The following FRMD3 variants were observed in gnomAD, a reference collection of about 807,000 sequenced individuals.
FRMD3 encodes FERM domain-containing protein 3.
Under a neutral mutation model 70.2 loss-of-function variants are expected in FRMD3, and 33 were observed. The observed-to-expected ratio is 0.47, with a 90% CI of 0.36 to 0.63. The LOEUF is 0.63. FRMD3 is among the 20% of genes least tolerant of loss of function. The pLI, the probability that FRMD3 is intolerant of heterozygous loss-of-function variation, is 0.00. For synonymous variants in FRMD3, 279 were observed against 255.9 expected, an observed-to-expected ratio of 1.09 and a Z score of -0.86; for missense variants, 632 against 711.4, an observed-to-expected ratio of 0.89 and a Z score of 1.27.
chr9:83,252,025 C>T (rs539957663), intron 13 of FRMD3, among the ~76,000 whole-genome samples: 5 of 152,068 alleles, frequency 3.3e-5, no homozygotes, highest in African/African-American at 1.2e-4. Context: ...ATGCAGAGAA[C>T]CCCAGTACAT....
At chr9:83,285,100 G>C (rs1234526068) in intron 13 of FRMD3, among the ~76,000 whole-genome samples, 1 of 152,178 alleles carries the variant, frequency 6.6e-6, no homozygotes, top group Non-Finnish European at 1.5e-5. Flanking sequence ...AGACTTTCTA[G>C]AATTTCAGTG....
intron 1 of FRMD3, among the ~76,000 whole-genome samples, chr9:83,522,176 G>A (rs1587517294): frequency 6.6e-6 from 1 of 152,244 alleles, no homozygotes; most frequent in Non-Finnish European, 1.5e-5. Flanking sequence ...CACTTGAAAT[G>A]TGAGTGACAA....
At chr9:83,470,598 T>G (rs1352858642) in intron 1 of FRMD3, among the ~76,000 whole-genome samples, 3 of 152,190 alleles carry the variant, frequency 2.0e-5, no homozygotes, top group African/African-American at 7.2e-5. Flanking sequence ...TTGTGATAGC[T>G]CTCCAATCCT....
At chr9:83,502,500 G>C (rs1829093218) in intron 1 of FRMD3, among the ~76,000 whole-genome samples, 1 of 152,194 alleles carries the variant, frequency 6.6e-6, no homozygotes, top group South Asian at 2.1e-4. Context: ...CTGTGCGAAA[G>C]TCAGAAGGAA....
intron 3 of FRMD3, among the ~76,000 whole-genome samples, chr9:83,365,331 A>G (rs1824752608): frequency 6.6e-6 from 1 of 152,214 alleles, no homozygotes; most frequent in South Asian, 2.1e-4. Context: ...ACAATGCTAC[A>G]GTAGGATTTC....
chr9:83,305,913 T>C (rs1163490165), intron 10 of FRMD3, among the ~76,000 whole-genome samples: 3 of 152,156 alleles, frequency 2.0e-5, no homozygotes, highest in Non-Finnish European at 2.9e-5. Context: ...GGAAGGGACT[T>C]CTCTGACATG....
chr9:83,357,242 C>CATATATAT (rs1824400264), intron 3 of FRMD3, among the ~76,000 whole-genome samples: 1 of 13,258 alleles, frequency 7.5e-5, no homozygotes, highest in Non-Finnish European at 1.1e-4. Flanking sequence ...ATATATAATA[C>CATATATAT]ATACATATAT....
chr9:83,572,607 A>G, the FRMD3 span, among the ~76,000 whole-genome samples: 2 of 152,242 alleles, frequency 1.3e-5, no homozygotes, highest in African/African-American at 4.8e-5. Flanking sequence ...TTAGAGAAAT[A>G]TAGAATGATT....
chr9:83,297,825 G>T (rs975079525), intron 12 of FRMD3: 1 of 471,734 alleles, frequency 2.1e-6, no homozygotes, highest in African/African-American at 2.0e-5. Flanking sequence ...ATCTACATGG[G>T]ATATCATGCC....
the FRMD3 span, among the ~76,000 whole-genome samples, chr9:83,549,236 A>G: frequency 6.6e-6 from 1 of 152,202 alleles, no homozygotes; most frequent in Non-Finnish European, 1.5e-5. Context: ...TAGTTTGCAA[A>G]GGATGATAGC....
intron 2 of FRMD3, among the ~76,000 whole-genome samples, chr9:83,375,896 A>C (rs1825128033): frequency 6.6e-6 from 1 of 152,214 alleles, no homozygotes; most frequent in Admixed American, 6.5e-5. Context: ...GCAGTGGCTC[A>C]CACCTGTAAT....
chr9:83,523,510 C>T (rs1321869048), intron 1 of FRMD3, among the ~76,000 whole-genome samples: 1 of 152,086 alleles, frequency 6.6e-6, no homozygotes, highest in Non-Finnish European at 1.5e-5. Context: ...CCATTTCTAA[C>T]CCAGTAAACA....
the FRMD3 span, among the ~76,000 whole-genome samples, chr9:83,549,917 ATAGT>A: frequency 6.6e-6 from 1 of 151,992 alleles, no homozygotes; most frequent in East Asian, 1.9e-4. Context: ...TATTCTGTTG[ATAGT>A]TTGTTTTGCT....
At chr9:83,479,785 G>GGGAA (rs1242768755) in intron 1 of FRMD3, among the ~76,000 whole-genome samples, 2,593 of 42,190 alleles carry the variant, frequency 0.061, 93 homozygotes, top group East Asian at 0.12. Context: ...GAGGGAGGGA[G>GGGAA]GGAAGGAAGG....
rs71365307 is a variant in FRMD3 at position 83,284,061 on chromosome 9, ATTTTTT to A, written c.1195+6536_1195+6541del. ...CTACGAGGGGGCAAGCTAGGATGTT[ATTTTTT>A]TTTTTTTTTTTTTTTTTGCTCATTT... is the stretch of plus-strand genomic sequence containing the variant. On this transcript the variant is annotated intron_variant, in intron 13 of 13. Coordinates refer to ENST00000304195, the MANE Select transcript of FRMD3 (RefSeq NM_174938.6). Among the ~76,000 whole-genome samples the A allele has an allele frequency of 2.4e-4, 24 of 101,710 alleles. 1 individual carries two copies. Among genetic ancestry groups the A allele is most frequent in the African/African-American group, 8.6e-4 (23 of 26,748 alleles). The allele number at this position is 101,710 out of a possible 152,430, so 66.7% of individuals were successfully genotyped here.
chr9:83,457,859 C>T (rs1458334915), intron 1 of FRMD3, among the ~76,000 whole-genome samples: 16 of 152,048 alleles, frequency 1.1e-4, no homozygotes. Context: ...GTAATCACTT[C>T]ACCATGTATA....
intron 1 of FRMD3, among the ~76,000 whole-genome samples, chr9:83,509,095 C>A (rs963545293): frequency 6.6e-6 from 1 of 151,964 alleles, no homozygotes; most frequent in Admixed American, 6.6e-5. Flanking sequence ...TTTTGCCTCC[C>A]TTCAGGAGAA....
intron 1 of FRMD3, among the ~76,000 whole-genome samples, chr9:83,507,347 AC>A (rs1829206814): frequency 1.5e-5 from 2 of 131,512 alleles, no homozygotes; most frequent in Non-Finnish European, 3.2e-5. Context: ...AGCCTGGGCA[AC>A]AGAGCAAGAC....
chr9:83,342,043 ATCTCTCTC>A (rs112748690), intron 5 of FRMD3, among the ~76,000 whole-genome samples: 7 of 139,654 alleles, frequency 5.0e-5, no homozygotes, highest in South Asian at 2.4e-4. Flanking sequence ...TGACATAGTC[ATCTCTCTC>A]TCTCTCTCTC....
Sources: gnomAD v4.1 joint callset for allele counts (sites outside exome capture counted in the v4.1 genomes callset) on GRCh38, gnomAD v4.1.1 for gene constraint, MANE v1.5 for transcripts, NCBI Gene and HGNC (gene_info 2026-07-23, HGNC 2026-07-21) for gene names.